STRADB: variants seen among roughly 807,000 people sequenced by gnomAD.
STRADB encodes the protein STE20-related kinase adapter protein beta.
STRADB carries 34 observed loss-of-function variants against 52.1 expected under a neutral mutation model. The observed-to-expected ratio is 0.65, with a 90% CI of 0.50 to 0.87. The LOEUF is 0.87. STRADB is among the 40% of genes least tolerant of loss of function. The probability of loss-of-function intolerance (pLI) is 0.00; values close to 1 mark genes in which losing one functional copy is unlikely to be tolerated. For synonymous variants in STRADB, 133 were observed against 174.5 expected (o/e 0.76, Z 1.87); for missense variants, 340 against 483.9 (o/e 0.70, Z 2.79).
At chr2:201,473,444 T>C (rs1952422131) in intron 5 of STRADB, among the ~76,000 whole-genome samples, 1 of 152,230 alleles carries the variant, frequency 6.6e-6, no homozygotes, top group South Asian at 2.1e-4. Flanking sequence ...GGTGATTGTA[T>C]TTAATATAAT....
At chr2:201,475,234 G>A (rs1952453483) in intron 6 of STRADB, among the ~76,000 whole-genome samples, 1 of 152,178 alleles carries the variant, frequency 6.6e-6, no homozygotes, top group African/African-American at 2.4e-5. Flanking sequence ...AGGTGCTCAC[G>A]TAGTACTTAG....
intron 3 of STRADB, 34 bp downstream of exon 3, chr2:201,458,898 A>G: frequency 1.3e-6 from 2 of 1,584,808 alleles, no homozygotes; most frequent in Non-Finnish European, 1.7e-6. Flanking sequence ...GCAGTGGTTC[A>G]CACCTGTAAT....
chr2:201,474,821 A>G, intron 6 of STRADB, 66 bp downstream of exon 6: 1 of 1,238,066 alleles, frequency 8.1e-7, no homozygotes, highest in African/African-American at 1.6e-5. Context: ...ATGAGTTGGG[A>G]TTTTAGATTT....
intron 1 of STRADB, among the ~76,000 whole-genome samples, chr2:201,452,941 A>G (rs1952070829): frequency 6.6e-6 from 1 of 152,244 alleles, no homozygotes; most frequent in Non-Finnish European, 1.5e-5. Flanking sequence ...AATACGAAAT[A>G]TAAGTCTCTT....
intron 9 of STRADB, 38 bp downstream of exon 9, chr2:201,478,229 A>AT: frequency 6.2e-7 from 1 of 1,600,604 alleles, no homozygotes; most frequent in Non-Finnish European, 8.5e-7. Flanking sequence ...CTTGCCTTTC[A>AT]TAAGACTGCT....
chr2:201,465,894 G>A (rs911506304), intron 3 of STRADB, among the ~76,000 whole-genome samples: 30 of 152,190 alleles, frequency 2.0e-4, no homozygotes, highest in African/African-American at 6.3e-4. Flanking sequence ...GCAACACTGA[G>A]TTCCAGTGCA....
Position 201,480,828 on chromosome 2 carries a change from TAAAG to T in STRADB, c.*655_*658del. On this transcript the variant is annotated 3_prime_UTR_variant, in exon 12 of 12. Transcript: ENST00000194530. ...ATTCACGCACCCCGTGGGAGCTCAA[TAAAG>T]ATTTACTGAATTGAGTTTATGCTTT... is the stretch of plus-strand genomic sequence containing the variant. 1 of 985,668 alleles carries T rather than the reference TAAAG, an allele frequency of 1.0e-6. No individual in the cohort carries two copies. Among genetic ancestry groups the T allele is most frequent in the Non-Finnish European group, 1.2e-6 (1 of 829,904 alleles). The allele number at this position is 985,668 out of a possible 1,614,324, so 61.1% of individuals were successfully genotyped here.
Position 201,474,765 on chromosome 2 carries a change from C to G in STRADB, c.424+10C>G, listed in dbSNP as rs780954049. 2.5e-6 allele frequency: 4 copies of G among 1,584,494 alleles called. No individual in the cohort carries two copies. In the East Asian group the frequency reaches 9.0e-5, roughly 36 times the overall value. On this transcript the variant is annotated intron_variant, in intron 6 of 11. Coordinates refer to ENST00000194530, the MANE Select transcript of STRADB (RefSeq NM_018571.6). Reference sequence around the variant, plus strand: ...CCATTTATGGCCTATGGTAAGAATGCTGGTTTTAAATAAATTAACTTAGCC... The same window carrying G: ...CCATTTATGGCCTATGGTAAGAATGGTGGTTTTAAATAAATTAACTTAGCC...
At position 201,478,199 on chromosome 2, in the gene STRADB, C is replaced by T; in HGVS notation, c.825+8C>T. Reference sequence around the variant, plus strand: ...GACATGCATAGAACTCAGGTAAGTGCTGCTAAAATCCCTGAGCTACTTGCC... The same window carrying T: ...GACATGCATAGAACTCAGGTAAGTGTTGCTAAAATCCCTGAGCTACTTGCC... On this transcript the variant is annotated splice_region_variant and intron_variant, in intron 9 of 11. Coordinates refer to ENST00000194530, the MANE Select transcript of STRADB (RefSeq NM_018571.6). The T allele has an allele frequency of 1.2e-6, 2 of 1,604,850 alleles. No homozygotes were observed. The highest frequency in any genetic ancestry group is 2.3e-5 in the South Asian group (2 of 88,818).
intron 3 of STRADB, among the ~76,000 whole-genome samples, chr2:201,459,730 C>T (rs10931949): frequency 0.55 from 84,030 of 151,982 alleles, 24,289 homozygotes; most frequent in Non-Finnish European, 0.65. Flanking sequence ...CTGCTTGTAT[C>T]GCTTTCCAGC....
chr2:201,470,543 A>G (rs978782387), intron 4 of STRADB, among the ~76,000 whole-genome samples: 1 of 152,262 alleles, frequency 6.6e-6, no homozygotes, highest in Non-Finnish European at 1.5e-5. Context: ...ATTTAGAAAC[A>G]TCTATTAAAC....
intron 3 of STRADB, among the ~76,000 whole-genome samples, chr2:201,466,433 A>G (rs1952305916): frequency 6.6e-6 from 1 of 152,210 alleles, no homozygotes; most frequent in Non-Finnish European, 1.5e-5. Context: ...GAATTGGAAA[A>G]GTTGTATAAT....
At chr2:201,478,769 A>C (rs1398418471) in intron 10 of STRADB, among the ~76,000 whole-genome samples, 168 bp downstream of exon 10, 3 of 152,070 alleles carry the variant, frequency 2.0e-5, no homozygotes, top group Non-Finnish European at 4.4e-5. Context: ...AATGAGAAGA[A>C]TACTGGATTC....
intron 3 of STRADB, among the ~76,000 whole-genome samples, chr2:201,462,388 A>G (rs1952229737): frequency 6.6e-6 from 1 of 152,056 alleles, no homozygotes; most frequent in South Asian, 2.1e-4. Context: ...GGAGAGTTTA[A>G]TCCATTGACA....
intron 2 of STRADB, among the ~76,000 whole-genome samples, chr2:201,456,193 G>A (rs193032511): frequency 1.7e-4 from 26 of 152,316 alleles, no homozygotes; most frequent in Admixed American, 1.4e-3. Flanking sequence ...GAATGTATCT[G>A]TGTTCCAGTA....
intron 1 of STRADB, among the ~76,000 whole-genome samples, chr2:201,453,572 A>G (rs1576548078): frequency 1.3e-5 from 2 of 152,308 alleles, no homozygotes; most frequent in South Asian, 2.1e-4. Context: ...ACTCCGGGGA[A>G]TTTTACTGGG....
intron 10 of STRADB, chr2:201,479,008 G>A (rs1559469954): frequency 5.1e-6 from 1 of 197,862 alleles, no homozygotes; most frequent in Non-Finnish European, 1.0e-5. Flanking sequence ...AGTAAGCAGA[G>A]GTTGCAGTGA....
Position 201,478,419 on chromosome 2 carries a change from A to G in STRADB, c.888A>G (p.Gln296=), listed in dbSNP as rs756402299. The G allele has an allele frequency of 6.2e-6, 10 of 1,614,144 alleles. No individual in the cohort carries two copies. The highest frequency in any genetic ancestry group is 2.2e-5 in the East Asian group (1 of 44,840). Residue 296 remains glutamine (Q), a synonymous_variant, in exon 10 of 12, where the codon CAA becomes CAG. Transcript: ENST00000194530. ...CATTGGATATCAGTATTTTCCCTCA[A>G]TCAGAATCCAGAATGAAAAATTCCC... ...YSPLDISIFP[Q]SESRMKNSQS... is the part of the protein sequence containing the mutation.
chr2:201,457,684 A>T (rs928578036), intron 2 of STRADB, among the ~76,000 whole-genome samples: 1 of 152,314 alleles, frequency 6.6e-6, no homozygotes, highest in East Asian at 1.9e-4. Context: ...GACTCATTTG[A>T]TATTGTACTT....
Sources: allele counts gnomAD v4.1 joint callset (sites outside exome capture counted in the v4.1 genomes callset), GRCh38; gene constraint gnomAD v4.1.1; transcripts MANE v1.5; gene names NCBI Gene and HGNC (gene_info 2026-07-23, HGNC 2026-07-21).